The following GABRA4 variants were observed in gnomAD, a reference collection of about 807,000 sequenced individuals.
GABRA4 encodes the protein gamma-aminobutyric acid type A receptor subunit alpha4, also known as gamma-aminobutyric acid receptor subunit alpha-4.
Under a neutral mutation model 49.7 loss-of-function variants are expected in GABRA4, and 12 were observed. That is an observed-to-expected ratio of 0.24 (90% CI 0.15 to 0.39). The LOEUF is 0.39. Among genes scored for constraint, GABRA4 ranks in the 10% least tolerant of loss-of-function variants. The pLI, the probability that GABRA4 is intolerant of heterozygous loss-of-function variation, is 1.00. For missense variants in GABRA4, 506 were observed against 686.0 expected (o/e 0.74, Z 2.93); for synonymous variants, 288 against 240.2 (o/e 1.20, Z -1.84).
chr4:46,978,296 G>A (rs1244124034), intron 3 of GABRA4, among the ~76,000 whole-genome samples: 1 of 151,970 alleles, frequency 6.6e-6, no homozygotes, highest in East Asian at 1.9e-4. Context: ...AGATCAACAT[G>A]AAATACTAAA....
chr4:46,969,388 AC>A (rs1445604898), intron 7 of GABRA4, among the ~76,000 whole-genome samples: 2 of 151,556 alleles, frequency 1.3e-5, no homozygotes, highest in Admixed American at 1.3e-4. Context: ...AAGTTAAGAG[AC>A]TTTGGATGCT....
chr4:46,964,957 T>C lies in GABRA4; in HGVS notation c.1134+13A>G. 1 of 1,565,822 alleles carries C rather than the reference T, an allele frequency of 6.4e-7. No individual in the cohort carries two copies. The highest frequency in any genetic ancestry group is 8.7e-7 in the Non-Finnish European group (1 of 1,155,534). On this transcript the variant is annotated intron_variant, in intron 8 of 8. Coordinates refer to ENST00000264318, the MANE Select transcript of GABRA4 (RefSeq NM_000809.4). ...GCTAAAATCTTAAACTGAAGGTGGA[T>C]TAAGTCAAATACCTGCAGAGGGGCT...
At chr4:46,988,242 A>AT (rs1723611136) in intron 2 of GABRA4, among the ~76,000 whole-genome samples, 1 of 151,928 alleles carries the variant, frequency 6.6e-6, no homozygotes, top group Non-Finnish European at 1.5e-5. Flanking sequence ...TAGCATTTTC[A>AT]TGTAATTATT....
chr4:46,934,139 T>C (rs1475713744), intron 8 of GABRA4, among the ~76,000 whole-genome samples: 1 of 152,184 alleles, frequency 6.6e-6, no homozygotes. Context: ...TAATAAAATG[T>C]AACTTAATCC....
At chr4:46,986,353 T>G (rs1723537214) in intron 2 of GABRA4, among the ~76,000 whole-genome samples, 1 of 152,128 alleles carries the variant, frequency 6.6e-6, no homozygotes, top group South Asian at 2.1e-4. Flanking sequence ...CAGTGGTCAA[T>G]TTTAAGTTCT....
intron 8 of GABRA4, among the ~76,000 whole-genome samples, chr4:46,934,757 C>T (rs1298444575): frequency 2.0e-5 from 3 of 152,106 alleles, no homozygotes; most frequent in Non-Finnish European, 4.4e-5. Context: ...TTGTTTCATA[C>T]TGATTCCTAG....
At position 46,950,735 on chromosome 4, in the gene GABRA4, A is replaced by AT. The variant is rs879685107; in HGVS notation, c.1134+14234dup. Among the ~76,000 whole-genome samples, 1,231 of 150,018 alleles carry AT rather than the reference A, an allele frequency of 8.2e-3. 13 individuals carry two copies. Among genetic ancestry groups the AT allele is most frequent in the South Asian group, 0.049 (229 of 4,666 alleles). ...TCTAAGAAAATAAATAAATAAATAA[A>AT]TAAATAAATAAATTACTATATGCTT... On this transcript the variant is annotated intron_variant, in intron 8 of 8. Transcript: ENST00000264318.
At chr4:46,947,206 T>G (rs1722012554) in intron 8 of GABRA4, among the ~76,000 whole-genome samples, 1 of 152,072 alleles carries the variant, frequency 6.6e-6, no homozygotes, top group Non-Finnish European at 1.5e-5. Flanking sequence ...TTGCCTGAAC[T>G]GAATTCTGAT....
chr4:46,977,214 A>G, intron 4 of GABRA4, 71 bp from the exon 5 acceptor site: 1 of 919,352 alleles, frequency 1.1e-6, no homozygotes, highest in Non-Finnish European at 1.6e-6. Context: ...ATTCTAAAAT[A>G]GGAAGGAAGG....
intron 6 of GABRA4, 31 bp downstream of exon 6, chr4:46,974,201 G>A (rs755257253): frequency 1.3e-6 from 2 of 1,584,188 alleles, no homozygotes; most frequent in Non-Finnish European, 1.7e-6. Flanking sequence ...ACACCAAGTA[G>A]CATGTCGGCT....
At chr4:46,984,597 A>G (rs546297800) in intron 2 of GABRA4, among the ~76,000 whole-genome samples, 27 of 152,186 alleles carry the variant, frequency 1.8e-4, no homozygotes, top group Non-Finnish European at 1.0e-4. Flanking sequence ...ATGAACAACA[A>G]CAAAAATAAA....
intron 2 of GABRA4, among the ~76,000 whole-genome samples, chr4:46,981,953 A>T (rs886821322): frequency 1.3e-5 from 2 of 152,220 alleles, no homozygotes; most frequent in Non-Finnish European, 2.9e-5. Context: ...CAGGGACTAG[A>T]AAGGAGGCCA....
At chr4:46,973,025 C>A (rs1361091585) in intron 6 of GABRA4, among the ~76,000 whole-genome samples, 1 of 151,652 alleles carries the variant, frequency 6.6e-6, no homozygotes, top group African/African-American at 2.4e-5. Context: ...TTGGGTTTTG[C>A]CAGTTATTAG....
chr4:46,962,493 G>A (rs1718186936), intron 8 of GABRA4, among the ~76,000 whole-genome samples: 1 of 151,802 alleles, frequency 6.6e-6, no homozygotes, highest in Admixed American at 6.6e-5. Flanking sequence ...TTATGTTCAT[G>A]GATTGGAAGA....
chr4:46,990,592 G>A (rs2109411729), intron 2 of GABRA4, among the ~76,000 whole-genome samples: 1 of 152,212 alleles, frequency 6.6e-6, no homozygotes, highest in Admixed American at 6.5e-5. Flanking sequence ...AACTACATAG[G>A]ACTGGATACT....
chr4:46,977,533 A>G lies in GABRA4; in HGVS notation c.371T>C (p.Val124Ala). ...AGTATCAGGGGTCCACACTTTCGTTACCATCATATTGTTCAATCTCAAAAT... is the reference window on the plus strand; with the variant it reads ...AGTATCAGGGGTCCACACTTTCGTTGCCATCATATTGTTCAATCTCAAAAT... ...IEILRLNNMMVTKVWTPDTFF... is the reference protein window; with the variant it reads ...IEILRLNNMMATKVWTPDTFF... Residue 124 changes from valine to alanine, a missense_variant, in exon 4 of 9, where the codon GTA becomes GCA. This residue lies in a region of GABRA4 where 195 missense variants were observed against 326.0 expected (regional missense o/e 0.60). Transcript: ENST00000264318. The G allele has an allele frequency of 6.2e-7, 1 of 1,612,772 alleles. No homozygotes were observed. Among genetic ancestry groups the G allele is most frequent in the Non-Finnish European group, 8.5e-7 (1 of 1,179,088 alleles).
intron 5 of GABRA4, among the ~76,000 whole-genome samples, chr4:46,976,646 T>C (rs1274096762): frequency 6.6e-6 from 1 of 151,722 alleles, no homozygotes; most frequent in Non-Finnish European, 1.5e-5. Flanking sequence ...AAGGACTGCT[T>C]ACAATAGAAT....
At chr4:46,947,658 T>G (rs1722027902) in intron 8 of GABRA4, among the ~76,000 whole-genome samples, 1 of 151,972 alleles carries the variant, frequency 6.6e-6, no homozygotes, top group Admixed American at 6.6e-5. Flanking sequence ...ATTAGACATC[T>G]GTAAGATGAA....
At chr4:46,971,276 A>G (rs1722940393) in intron 6 of GABRA4, 41 bp from the exon 7 acceptor site, 2 of 1,583,678 alleles carry the variant, frequency 1.3e-6, no homozygotes, top group Non-Finnish European at 1.7e-6. Context: ...TCGGTTCTGC[A>G]GGCAATTAGT....
Sources: gnomAD v4.1 joint callset for allele counts (sites outside exome capture counted in the v4.1 genomes callset) on GRCh38, gnomAD v4.1.1 for gene constraint, gnomAD v4.1.1 regional missense constraint, MANE v1.5 for transcripts, NCBI Gene and HGNC (gene_info 2026-07-23, HGNC 2026-07-21) for gene names.